DNAH6: variants seen among roughly 807,000 people sequenced by gnomAD.
DNAH6 encodes the protein axonemal beta dynein heavy chain 6.
A neutral mutation model predicts 491.4 loss-of-function variants in DNAH6; 340 were observed. The ratio of observed to expected loss-of-function variants is 0.69; its 90% CI spans 0.63 to 0.76. DNAH6 has a LOEUF of 0.76. Ranked by LOEUF, DNAH6 falls within the 30% of genes least tolerant of loss-of-function variation. The pLI is 0.00. For synonymous variants in DNAH6, 1,603 were observed against 1,686.1 expected (o/e 0.95, Z 1.21); for missense variants, 4,443 against 4,972.2 (o/e 0.89, Z 3.20).
intron 33 of DNAH6, among the ~76,000 whole-genome samples, chr2:84,646,763 C>T (rs1689938397): frequency 6.6e-6 from 1 of 152,166 alleles, no homozygotes; most frequent in South Asian, 2.1e-4. Context: ...TCAAAGCTAG[C>T]AGACATGTGA....
At chr2:84,534,481 C>T (rs934342395) in intron 4 of DNAH6, among the ~76,000 whole-genome samples, 1 of 152,072 alleles carries the variant, frequency 6.6e-6, no homozygotes, top group Non-Finnish European at 1.5e-5. Flanking sequence ...TTGATTGTTA[C>T]TGTAAACACT....
intron 4 of DNAH6, among the ~76,000 whole-genome samples, chr2:84,533,669 A>AGAT (rs537367916): frequency 4.1e-4 from 63 of 152,298 alleles, no homozygotes; most frequent in Non-Finnish European, 7.5e-4. Flanking sequence ...AAACCTGAGG[A>AGAT]GATAACTTTT....
intron 14 of DNAH6, among the ~76,000 whole-genome samples, chr2:84,582,087 G>C (rs1683087704): frequency 6.6e-6 from 1 of 152,196 alleles, no homozygotes; most frequent in African/African-American, 2.4e-5. Context: ...TTGATGTAGA[G>C]AGACTTAATT....
In DNAH6 at chr2:84,619,673, T is replaced by C; in HGVS notation, c.3573-12T>C. Reference sequence around the variant, plus strand: ...ATTTCAAGTTATATTTTAAGGATGTTCTTTAATCCAGGTTTTACTTCTTGT... The same window carrying C: ...ATTTCAAGTTATATTTTAAGGATGTCCTTTAATCCAGGTTTTACTTCTTGT... On this transcript the variant is annotated splice_polypyrimidine_tract_variant and intron_variant, in intron 23 of 76. Coordinates refer to ENST00000389394, the MANE Select transcript of DNAH6 (RefSeq NM_001370.2). 6.5e-7 allele frequency: 1 copy of C among 1,548,266 alleles called. No individual in the cohort carries two copies. Among genetic ancestry groups the C allele is most frequent in the South Asian group, 1.2e-5 (1 of 83,972 alleles).
intron 29 of DNAH6, among the ~76,000 whole-genome samples, chr2:84,628,686 G>C (rs1304854058): frequency 6.6e-6 from 1 of 152,144 alleles, no homozygotes; most frequent in African/African-American, 2.4e-5. Context: ...GCACAGATGG[G>C]AGTGAGATTT....
At chr2:84,522,575 G>A (rs899925794) in intron 2 of DNAH6, among the ~76,000 whole-genome samples, 1 of 152,096 alleles carries the variant, frequency 6.6e-6, no homozygotes. Context: ...AATGCTTCCA[G>A]CTTTTAACAA....
At chr2:84,701,463 A>G (rs1173399870) in intron 49 of DNAH6, 124 bp downstream of exon 49, 6 of 984,402 alleles carry the variant, frequency 6.1e-6, no homozygotes, top group African/African-American at 1.6e-5. Context: ...TCGCACTGCT[A>G]TAAAGAAATA....
chr2:84,764,858 C>T (rs764486434), intron 64 of DNAH6, among the ~76,000 whole-genome samples: 5 of 151,984 alleles, frequency 3.3e-5, no homozygotes, highest in Non-Finnish European at 5.9e-5. Context: ...GATTCCGTAT[C>T]GTTGCTACTG....
intron 70 of DNAH6, among the ~76,000 whole-genome samples, chr2:84,804,964 C>A (rs1361035138): frequency 6.6e-6 from 1 of 152,024 alleles, no homozygotes; most frequent in African/African-American, 2.4e-5. Flanking sequence ...CAGGTATACA[C>A]CACCACACCC....
chr2:84,795,761 A>T (rs1174253225), intron 68 of DNAH6, among the ~76,000 whole-genome samples: 2 of 152,244 alleles, frequency 1.3e-5, no homozygotes, highest in Non-Finnish European at 2.9e-5. Context: ...CTGTGGAAAG[A>T]GAGATGGGAT....
rs2104565883 is a variant in DNAH6, at chr2:84,653,572, A to T, written c.5332A>T (p.Ile1778Leu). 2 of 1,551,370 alleles carry T rather than the reference A, an allele frequency of 1.3e-6. No homozygotes were observed. The highest frequency in any genetic ancestry group is 1.7e-6 in the Non-Finnish European group (2 of 1,146,724). Residue 1778 changes from isoleucine to leucine, a missense_variant, in exon 34 of 77, where the codon ATA (isoleucine) becomes TTA (leucine). By Grantham distance (5) the Ile-to-Leu change is conservative. This residue lies in a region of DNAH6 where 2,977 missense variants were observed against 3,296.6 expected (regional missense o/e 0.90). Transcript: ENST00000389394. Reference protein sequence around the residue: ...ETLGNLQKLGIENSFYQAVKT... With the variant: ...ETLGNLQKLGLENSFYQAVKT... ...TTTAGGGAATTTACAAAAACTTGGG[A>T]TAGAAAATTCCTTTTACCAAGCAGT...
intron 8 of DNAH6, among the ~76,000 whole-genome samples, chr2:84,549,620 G>C (rs1679127393): frequency 6.6e-6 from 1 of 152,034 alleles, no homozygotes; most frequent in Non-Finnish European, 1.5e-5. Flanking sequence ...TTCCCTAACA[G>C]CTATATCACT....
intron 30 of DNAH6, among the ~76,000 whole-genome samples, 195 bp downstream of exon 30, chr2:84,634,836 G>A (rs945183176): frequency 6.6e-6 from 1 of 152,154 alleles, no homozygotes; most frequent in South Asian, 2.1e-4. Context: ...GACACTGAGT[G>A]GTCCTGTTAT....
chr2:84,494,387 C>A, the DNAH6 span, among the ~76,000 whole-genome samples: 17 of 152,260 alleles, frequency 1.1e-4, no homozygotes, highest in Non-Finnish European at 2.4e-4. Flanking sequence ...AGCAGAATTT[C>A]TAGATGAAGG....
intron 60 of DNAH6, among the ~76,000 whole-genome samples, chr2:84,725,863 C>A (rs1356602025): frequency 6.6e-6 from 1 of 152,150 alleles, no homozygotes; most frequent in East Asian, 1.9e-4. Context: ...GGGCTTTAAC[C>A]TCTATGGTTC....
At chr2:84,545,713 A>G (rs1396909288) in intron 5 of DNAH6, among the ~76,000 whole-genome samples, 1 of 152,078 alleles carries the variant, frequency 6.6e-6, no homozygotes. Context: ...GCAGTCGTTT[A>G]AATATGTATT....
intron 48 of DNAH6, among the ~76,000 whole-genome samples, chr2:84,699,976 A>G (rs146530684): frequency 1.0e-3 from 157 of 152,310 alleles, no homozygotes; most frequent in African/African-American, 3.5e-3. Flanking sequence ...ATCTGTTTCA[A>G]TGGATGGTGG....
At chr2:84,561,903 T>C (rs1266931411) in intron 11 of DNAH6, among the ~76,000 whole-genome samples, 2 of 152,160 alleles carry the variant, frequency 1.3e-5, no homozygotes, top group Admixed American at 1.3e-4. Flanking sequence ...AGGAACCTAC[T>C]ACAGGATGAG....
intron 18 of DNAH6, among the ~76,000 whole-genome samples, chr2:84,603,158 T>C (rs962082639): frequency 1.3e-5 from 2 of 152,118 alleles, no homozygotes; most frequent in African/African-American, 4.8e-5. Flanking sequence ...TGCATCTTAA[T>C]TTTTTGTTCA....
Sources: allele counts gnomAD v4.1 joint callset (sites outside exome capture counted in the v4.1 genomes callset), GRCh38; gene constraint gnomAD v4.1.1; regional missense constraint gnomAD v4.1.1; transcripts MANE v1.5; gene names NCBI Gene and HGNC (gene_info 2026-07-23, HGNC 2026-07-21).